The following DCLK1 variants were observed in gnomAD, a reference collection of about 807,000 sequenced individuals.
The protein encoded by DCLK1 is serine/threonine-protein kinase DCLK1.
In DCLK1, 16 loss-of-function variants were observed where a neutral mutation model predicts 86.2. The observed-to-expected ratio is 0.19, with a 90% CI of 0.13 to 0.28. The LOEUF is 0.28. Ranked by LOEUF, DCLK1 falls within the 10% of genes least tolerant of loss-of-function variation. The pLI is 1.00. For synonymous variants in DCLK1, 369 were observed against 370.5 expected, an observed-to-expected ratio of 1.00 and a Z score of 0.05; for missense variants, 590 against 940.2, an observed-to-expected ratio of 0.63 and a Z score of 4.87.
At chr13:35,862,982 C>T (rs1296691957) in intron 5 of DCLK1, among the ~76,000 whole-genome samples, 2 of 152,170 alleles carry the variant, frequency 1.3e-5, no homozygotes, top group Non-Finnish European at 2.9e-5. Context: ...GATTACAATT[C>T]TGTATTTTCA....
At chr13:36,017,192 A>G (rs1397240876) in intron 3 of DCLK1, among the ~76,000 whole-genome samples, 1 of 152,228 alleles carries the variant, frequency 6.6e-6, no homozygotes, top group African/African-American at 2.4e-5. Flanking sequence ...CTTTTAATAC[A>G]GAATTGGAGT....
In DCLK1 at chr13:35,959,249, G is replaced by A. The variant is rs542761275; in HGVS notation, c.724-11792C>T. ...TCTAGAGTTGAGTGAGTAACATGGG[G>A]CTGGTTTCCATCTCCCCACAAAGCA... On this transcript the variant is annotated intron_variant, in intron 3 of 16. Coordinates refer to ENST00000360631, the MANE Select transcript of DCLK1 (RefSeq NM_001330071.2). Among the ~76,000 whole-genome samples, 4 of 152,244 alleles carry A rather than the reference G, an allele frequency of 2.6e-5. No homozygotes were observed. In the South Asian group the frequency reaches 6.2e-4, roughly 24 times the overall value.
chr13:35,873,708 A>C (rs1015580795), intron 4 of DCLK1, among the ~76,000 whole-genome samples: 1 of 152,132 alleles, frequency 6.6e-6, no homozygotes, highest in African/African-American at 2.4e-5. Context: ...TTTATAGACA[A>C]TGAGTGGTCA....
At chr13:36,012,366 C>T (rs1342925722) in intron 3 of DCLK1, among the ~76,000 whole-genome samples, 5 of 151,894 alleles carry the variant, frequency 3.3e-5, no homozygotes, top group Non-Finnish European at 5.9e-5. Flanking sequence ...CGGCTGTTAC[C>T]GGTTGTTCCT....
intron 2 of DCLK1, among the ~76,000 whole-genome samples, chr13:36,119,225 T>C (rs1459882470): frequency 3.9e-5 from 6 of 152,190 alleles, no homozygotes; most frequent in Non-Finnish European, 8.8e-5. Context: ...AAGAAAGATC[T>C]GATTTAGGAG....
At chr13:35,884,134 T>A (rs1244876841) in intron 4 of DCLK1, among the ~76,000 whole-genome samples, 1 of 152,102 alleles carries the variant, frequency 6.6e-6, no homozygotes, top group Non-Finnish European at 1.5e-5. Flanking sequence ...TCCTGTGGAT[T>A]GATAAGAAAA....
At chr13:35,922,603 A>G (rs1215561642) in intron 4 of DCLK1, among the ~76,000 whole-genome samples, 2 of 152,236 alleles carry the variant, frequency 1.3e-5, no homozygotes, top group Non-Finnish European at 2.9e-5. Flanking sequence ...GCAAACTGCA[A>G]GAACACAAAA....
At chr13:36,092,612 A>G (rs1232974141) in intron 3 of DCLK1, among the ~76,000 whole-genome samples, 47 of 147,650 alleles carry the variant, frequency 3.2e-4, no homozygotes, top group Admixed American at 8.1e-4. Context: ...TCAGCCTCCC[A>G]AGTAGCTGGG....
In DCLK1 at chr13:35,775,167, A is replaced by G. The variant is rs193057385; in HGVS notation, c.2059-468T>C. ...GTCAGTCAGACATGGAAACGGAGCC[A>G]CGGCTCATCCTGTTCTTTTAGCACC... On this transcript the variant is annotated intron_variant, in intron 16 of 16. Coordinates refer to ENST00000360631, the MANE Select transcript of DCLK1 (RefSeq NM_001330071.2). Among the ~76,000 whole-genome samples the G allele has an allele frequency of 1.9e-3, 286 of 152,304 alleles. 2 individuals carry two copies. Among genetic ancestry groups the G allele is most frequent in the African/African-American group, 5.9e-3 (247 of 41,568 alleles).
chr13:35,843,229 C>T (rs2153108598), intron 6 of DCLK1, among the ~76,000 whole-genome samples: 1 of 152,270 alleles, frequency 6.6e-6, no homozygotes, highest in Middle Eastern at 3.4e-3. Flanking sequence ...GTGTACAGTA[C>T]AAAACGTACA....
chr13:35,797,889 A>T (rs911971933), intron 15 of DCLK1, among the ~76,000 whole-genome samples: 2 of 152,202 alleles, frequency 1.3e-5, no homozygotes, highest in African/African-American at 2.4e-5. Flanking sequence ...ATATATATAC[A>T]TCTTTATCAC....
chr13:35,954,882 G>T (rs927957414), intron 3 of DCLK1, among the ~76,000 whole-genome samples: 1 of 152,004 alleles, frequency 6.6e-6, no homozygotes, highest in African/African-American at 2.4e-5. Context: ...GAATAGGCTA[G>T]GAGATAACAC....
intron 3 of DCLK1, among the ~76,000 whole-genome samples, chr13:35,968,594 T>C (rs1203902081): frequency 1.3e-5 from 2 of 152,206 alleles, no homozygotes; most frequent in African/African-American, 4.8e-5. Flanking sequence ...CATTATATTA[T>C]AGCCCACCTG....
At chr13:35,848,190 G>A (rs1870351685) in intron 6 of DCLK1, 5 of 985,192 alleles carry the variant, frequency 5.1e-6, no homozygotes, top group Non-Finnish European at 6.0e-6. Flanking sequence ...CCGCTCAGTA[G>A]AACAATTTAA....
chr13:35,850,153 T>A, intron 6 of DCLK1: 1 of 985,264 alleles, frequency 1.0e-6, no homozygotes, highest in Admixed American at 6.2e-5. Context: ...CACAAAACAG[T>A]AAGTAGCTTT....
At chr13:35,983,027 G>T (rs1879738078) in intron 3 of DCLK1, among the ~76,000 whole-genome samples, 1 of 152,170 alleles carries the variant, frequency 6.6e-6, no homozygotes, top group African/African-American at 2.4e-5. Context: ...GCCTCTCAAA[G>T]TGTTGGGATT....
intron 4 of DCLK1, among the ~76,000 whole-genome samples, chr13:35,875,925 C>A (rs74046113): frequency 2.4e-3 from 362 of 152,230 alleles, no homozygotes; most frequent in African/African-American, 8.4e-3. Context: ...CAGAACCCAA[C>A]TCTCTTGGGT....
intron 3 of DCLK1, among the ~76,000 whole-genome samples, chr13:36,027,223 G>A (rs56786448): frequency 0.039 from 5,910 of 152,166 alleles, 138 homozygotes; most frequent in African/African-American, 0.061. Context: ...AAACTGTTCC[G>A]CCTCAGATCA....
chr13:35,815,699 A>C (rs1644099332), intron 11 of DCLK1, among the ~76,000 whole-genome samples: 1 of 152,194 alleles, frequency 6.6e-6, no homozygotes, highest in African/African-American at 2.4e-5. Flanking sequence ...AATGGCTTAA[A>C]TTTAAATCTT....
Sources: gnomAD v4.1 joint callset for allele counts (sites outside exome capture counted in the v4.1 genomes callset) on GRCh38, gnomAD v4.1.1 for gene constraint, MANE v1.5 for transcripts, NCBI Gene and HGNC (gene_info 2026-07-23, HGNC 2026-07-21) for gene names.